The following AGL variants were observed in gnomAD, a reference collection of about 807,000 sequenced individuals.
The protein encoded by AGL is amylo-alpha-1,6-glucosidase and 4-alpha-glucanotransferase, also known as glycogen debranching enzyme.
A neutral mutation model predicts 199.3 loss-of-function variants in AGL; 128 were observed. That is an observed-to-expected ratio of 0.64 (90% confidence interval 0.56 to 0.74). AGL has a LOEUF of 0.74. AGL is among the 30% of genes least tolerant of loss of function. The pLI is 0.00. For missense variants in AGL, 1,809 were observed against 1,820.8 expected (o/e 0.99, Z 0.12); for synonymous variants, 584 against 594.7 (o/e 0.98, Z 0.26).
chr1:99,857,682 C>T (rs1285106927), intron 2 of AGL, among the ~76,000 whole-genome samples: 7 of 151,024 alleles, frequency 4.6e-5, no homozygotes, highest in African/African-American at 1.5e-4. Context: ...CGTGGCGGCG[C>T]GCGCCTGCAA....
chr1:99,862,877 CTT>C (rs1403916757), intron 4 of AGL, among the ~76,000 whole-genome samples: 1 of 152,068 alleles, frequency 6.6e-6, no homozygotes, highest in African/African-American at 2.4e-5. Context: ...CAAACCATAT[CTT>C]TTTGCCTCTA....
At position 99,888,045 on chromosome 1, in the gene AGL, G is replaced by A; in HGVS notation, c.2749G>A (p.Glu917Lys). 1.2e-6 allele frequency: 2 copies of A among 1,613,578 alleles called. No homozygotes were observed. Among genetic ancestry groups the A allele is most frequent in the Non-Finnish European group, 1.7e-6 (2 of 1,179,686 alleles). The change falls in exon 21 of 34, where the codon GAA becomes AAA. Residue 917 changes from glutamate (E) to lysine (K), a missense_variant. Physicochemically the swap from Glu to Lys is moderately conservative, Grantham distance 56. Transcript: ENST00000361915. ...ILYRCESEEK[E>K]DGGGCYDIPN... ...TTACCGATGTGAATCAGAAGAAAAG[G>A]AAGATGGTGGAGGGTGCTATGACAT...
rs2392077 is a variant in AGL, at chr1:99,879,853, C to G, written c.1612-70C>G. 0.53 allele frequency: 701,267 copies of G among 1,315,680 alleles called. 190,136 individuals are homozygous for G. The highest frequency in any genetic ancestry group is 0.68 in the East Asian group (29,233 of 43,154). 81.5% of individuals were successfully genotyped at this position (1,315,680 alleles called of 1,614,324 possible). On this transcript the variant is annotated intron_variant, in intron 12 of 33. Coordinates refer to ENST00000361915, the MANE Select transcript of AGL (RefSeq NM_000642.3). ...AAATCATGCCTCCTTTTGTCTCTTT[C>G]CTTCCTCCTATCTTGCTTTTCTCTT...
Position 99,856,322 on chromosome 1 carries a change from T to A in AGL, c.83-5181T>A, listed in dbSNP as rs6674605. Among the ~76,000 whole-genome samples the A allele has an allele frequency of 5.4e-3, 104 of 19,102 alleles. 1 individual carries two copies. Among genetic ancestry groups the A allele is most frequent in the South Asian group, 0.025 (9 of 362 alleles). 12.5% of individuals were successfully genotyped at this position (19,102 alleles called of 152,430 possible). A position where few individuals can be genotyped will look rare whatever the true frequency, so the allele number is the denominator to read the frequency against. ...TTCCTTCCTTCCTCCCTCCCTCCCT[T>A]CCTTCCTCCCTCCCTCCCTCCCTCC... On this transcript the variant is annotated intron_variant, in intron 2 of 33. Transcript: ENST00000361915.
At chr1:99,875,668 A>G in intron 10 of AGL, among the ~76,000 whole-genome samples, 1 of 152,186 alleles carries the variant, frequency 6.6e-6, no homozygotes. Flanking sequence ...AAACCAATTC[A>G]TAGTTATTAT....
At chr1:99,890,234 G>A (rs774376656) in intron 21 of AGL, among the ~76,000 whole-genome samples, 6 of 151,986 alleles carry the variant, frequency 3.9e-5, no homozygotes, top group South Asian at 4.2e-4. Context: ...ATTCCATTCC[G>A]TTGGTCATCA....
At chr1:99,913,854 C>G in intron 30 of AGL, 116 bp downstream of exon 30, 1 of 981,936 alleles carries the variant, frequency 1.0e-6, no homozygotes, top group Non-Finnish European at 1.6e-6. Context: ...ATATTGCTTA[C>G]TAGCTAGTTT....
In AGL at chr1:99,912,479, AT is replaced by A. The variant is rs1487195121; in HGVS notation, c.3912del (p.Asn1304LysfsTer10). ...VRWLLELSKK[N>X]IFPYHEVTVK... ...TGGTTGCTGGAATTATCCAAAAAAA[AT>A]ATTTTCCCTTATCATGAAGTCACAG... is the stretch of plus-strand genomic sequence containing the variant. On this transcript the variant is annotated frameshift_variant, in exon 29 of 34. Transcript: ENST00000361915. LOFTEE classifies it high-confidence loss of function. The A allele has an allele frequency of 4.3e-6, 7 of 1,613,850 alleles. No individual in the cohort carries two copies. The highest frequency in any genetic ancestry group is 1.1e-5 in the South Asian group (1 of 91,086).
chr1:99,850,652 C>A (rs1648875731), intron 1 of AGL: 1 of 250,754 alleles, frequency 4.0e-6, no homozygotes, highest in Non-Finnish European at 7.8e-6. Flanking sequence ...TCTCCAGAGC[C>A]CTGTGGCTTG....
In AGL at chr1:99,916,616, G is replaced by A. The variant is rs1458293171; in HGVS notation, c.4366G>A (p.Gly1456Arg). The change falls in exon 33 of 34, where the codon GGG becomes AGG. Residue 1456 changes from glycine (G) to arginine (R), a missense_variant. Transcript: ENST00000361915. ...TTTTTAGGAGTGGCTGTGGCCTATT[G>A]GGTATTTTCTTCGTGCAAAATTATA... ...HQGPEWLWPIGYFLRAKLYFS... is the reference protein window; with the variant it reads ...HQGPEWLWPIRYFLRAKLYFS... 4 of 1,612,960 alleles carry A rather than the reference G, an allele frequency of 2.5e-6. No homozygotes were observed. The Admixed American group carries it at 6.7e-5, about 27-fold the overall frequency.
At chr1:99,915,941 G>A (rs913789948) in intron 31 of AGL, among the ~76,000 whole-genome samples, 3 of 152,122 alleles carry the variant, frequency 2.0e-5, no homozygotes, top group South Asian at 2.1e-4. Context: ...TTTGTAATCC[G>A]ATAATAGGCC....
chr1:99,899,978 G>A (rs1653691327), intron 25 of AGL, among the ~76,000 whole-genome samples: 1 of 151,260 alleles, frequency 6.6e-6, no homozygotes, highest in African/African-American at 2.4e-5. Context: ...TGCCCAGACT[G>A]GAGTACACTG....
rs1287149053 is a variant in AGL at position 99,921,676 on chromosome 1, ATTAC to A, written c.*28_*31del. ...GTTTATTACAGATATTAAGTATGCA[ATTAC>A]TTGTATTATAGGATGCAAGGTCATC... On this transcript the variant is annotated 3_prime_UTR_variant, in exon 34 of 34. Coordinates refer to ENST00000361915, the MANE Select transcript of AGL (RefSeq NM_000642.3). 13 of 1,502,006 alleles carry A rather than the reference ATTAC, an allele frequency of 8.7e-6. No individual in the cohort carries two copies. The highest frequency in any genetic ancestry group is 1.7e-4 in the Middle Eastern group (1 of 5,868). The allele number at this position is 1,502,006 out of a possible 1,614,324, so 93.0% of individuals were successfully genotyped here. A position where few individuals can be genotyped will look rare whatever the true frequency, so the allele number is the denominator to read the frequency against.
chr1:99,857,552 G>A (rs1225895583), intron 2 of AGL, among the ~76,000 whole-genome samples: 8 of 152,112 alleles, frequency 5.3e-5, no homozygotes, highest in African/African-American at 1.9e-4. Context: ...GACTCCGTCT[G>A]CAATCCCGGC....
At position 99,923,255 on chromosome 1, in the gene AGL, C is replaced by A. The variant is rs1655633375; in HGVS notation, c.*1604C>A. On this transcript the variant is annotated 3_prime_UTR_variant, in exon 34 of 34. Transcript: ENST00000361915. ...CAGTTCCTTCCTTGTTCAATATATA[C>A]CCTTCTCTAAACTGTGCGGGTAAAA... is the stretch of plus-strand genomic sequence containing the variant. 6.6e-6 allele frequency: 1 copy of A among 152,066 alleles called. No individual in the cohort carries two copies. The highest frequency in any genetic ancestry group is 6.6e-5 in the Admixed American group (1 of 15,250). 9.4% of individuals were successfully genotyped at this position (152,066 alleles called of 1,614,324 possible).
chr1:99,885,737 C>G (rs754905174), intron 20 of AGL, among the ~76,000 whole-genome samples: 1 of 152,118 alleles, frequency 6.6e-6, no homozygotes, highest in Admixed American at 6.5e-5. Context: ...TTTGCCATCA[C>G]CCCCATATGG....
chr1:99,867,111 G>T (rs992839040), intron 5 of AGL, among the ~76,000 whole-genome samples: 1 of 152,106 alleles, frequency 6.6e-6, no homozygotes, highest in East Asian at 1.9e-4. Context: ...GAGCCACTGT[G>T]CCCAGCCAGT....
intron 4 of AGL, among the ~76,000 whole-genome samples, chr1:99,862,743 A>G (rs1271992906): frequency 6.6e-6 from 1 of 152,104 alleles, no homozygotes; most frequent in Non-Finnish European, 1.5e-5. Flanking sequence ...GATCTTGTGA[A>G]AACTCACTCA....
At chr1:99,886,476 C>T (rs1175865020) in intron 20 of AGL, among the ~76,000 whole-genome samples, 1 of 130,774 alleles carries the variant, frequency 7.6e-6, no homozygotes, top group Non-Finnish European at 1.7e-5. Flanking sequence ...CAGAGCAAGA[C>T]CCTGTCTCTA....
Sources: gnomAD v4.1 joint callset for allele counts (sites outside exome capture counted in the v4.1 genomes callset) on GRCh38, gnomAD v4.1.1 for gene constraint, MANE v1.5 for transcripts, NCBI Gene and HGNC (gene_info 2026-07-23, HGNC 2026-07-21) for gene names.